Variants in SNAP29 observed in about 807,000 individuals in gnomAD.
The protein encoded by SNAP29 is synaptosome associated protein 29.
In SNAP29, 13 loss-of-function variants were observed where a neutral mutation model predicts 27.9. That is an observed-to-expected ratio of 0.47 (90% CI 0.30 to 0.74). The LOEUF (loss-of-function observed/expected upper bound fraction) is 0.74, where lower values mean the gene tolerates loss of function less well. SNAP29 is among the 30% of genes least tolerant of loss of function. SNAP29 has a pLI of 0.06. For missense variants in SNAP29, 368 were observed against 336.5 expected, an observed-to-expected ratio of 1.09 and a Z score of -0.73; for synonymous variants, 119 against 127.1, an observed-to-expected ratio of 0.94 and a Z score of 0.43.
intron 2 of SNAP29, chr22:20,870,886 C>T (rs1225421803): frequency 2.9e-5 from 10 of 341,006 alleles, no homozygotes; most frequent in South Asian, 1.7e-4. Flanking sequence ...CCTGTAATCC[C>T]GACACTTCAG....
chr22:20,880,492 C>T (rs1928864014), intron 2 of SNAP29, among the ~76,000 whole-genome samples: 1 of 145,888 alleles, frequency 6.9e-6, no homozygotes, highest in Non-Finnish European at 1.5e-5. Flanking sequence ...GGTGACAAAG[C>T]AAGACTCCAT....
At chr22:20,873,964 C>CAAAAAAAAAAAA (rs362036) in intron 2 of SNAP29, among the ~76,000 whole-genome samples, 1 of 25,970 alleles carries the variant, frequency 3.9e-5, no homozygotes, top group Non-Finnish European at 6.3e-5. Flanking sequence ...GACTCTGTCT[C>CAAAAAAAAAAAA]AAAAAAAAAA....
At chr22:20,878,864 G>A (rs905720148) in intron 2 of SNAP29, among the ~76,000 whole-genome samples, 1 of 152,178 alleles carries the variant, frequency 6.6e-6, no homozygotes, top group African/African-American at 2.4e-5. Flanking sequence ...ATCAGGCATA[G>A]TCTAAATGAC....
chr22:20,873,051 A>T (rs1020631025), intron 2 of SNAP29, among the ~76,000 whole-genome samples: 7 of 150,582 alleles, frequency 4.6e-5, no homozygotes, highest in Non-Finnish European at 8.9e-5. Flanking sequence ...GATAGTCTCG[A>T]ACTCTTGATC....
At chr22:20,876,140 G>T (rs1480335342) in intron 2 of SNAP29, among the ~76,000 whole-genome samples, 1 of 148,978 alleles carries the variant, frequency 6.7e-6, no homozygotes, top group Non-Finnish European at 1.5e-5. Flanking sequence ...CAGCCTGGGC[G>T]ACAGAGACTC....
At chr22:20,879,179 C>T (rs906955932) in intron 2 of SNAP29, among the ~76,000 whole-genome samples, 10 of 151,914 alleles carry the variant, frequency 6.6e-5, no homozygotes, top group African/African-American at 1.7e-4. Flanking sequence ...TGGTAGTGGG[C>T]GCCTGTAGTC....
intron 2 of SNAP29, among the ~76,000 whole-genome samples, chr22:20,879,556 T>A (rs1928838854): frequency 6.8e-6 from 1 of 146,320 alleles, no homozygotes; most frequent in Non-Finnish European, 1.5e-5. Flanking sequence ...AAAAACAATT[T>A]AAGAATTGGC....
chr22:20,859,722 C>G (rs1252951246), intron 1 of SNAP29: 14 of 297,408 alleles, frequency 4.7e-5, no homozygotes, highest in Non-Finnish European at 8.3e-5. Context: ...TGTGCAAAAT[C>G]TGGCACAGGG....
chr22:20,870,749 TC>T, intron 2 of SNAP29: 1 of 622,134 alleles, frequency 1.6e-6, no homozygotes. Flanking sequence ...CAATAGCTTC[TC>T]CAATAATTGT....
intron 1 of SNAP29, among the ~76,000 whole-genome samples, chr22:20,869,069 G>A (rs1928525668): frequency 6.6e-6 from 1 of 152,190 alleles, no homozygotes; most frequent in Admixed American, 6.5e-5. Flanking sequence ...GACCAGCCGG[G>A]CCAACATGGT....
intron 2 of SNAP29, among the ~76,000 whole-genome samples, chr22:20,874,369 A>C (rs1483411716): frequency 7.7e-6 from 1 of 129,600 alleles, no homozygotes; most frequent in Non-Finnish European, 1.7e-5. Flanking sequence ...ACACACACAC[A>C]CACACACACA....
intron 2 of SNAP29, chr22:20,870,921 A>C (rs553311941): frequency 1.8e-4 from 57 of 321,124 alleles, no homozygotes; most frequent in African/African-American, 1.2e-3. Context: ...TAGATTGCTT[A>C]AGCCCAGGAG....
intron 2 of SNAP29, among the ~76,000 whole-genome samples, chr22:20,878,861 A>C (rs950200211): frequency 3.3e-5 from 5 of 152,220 alleles, no homozygotes; most frequent in African/African-American, 1.2e-4. Flanking sequence ...GGCATCAGGC[A>C]TAGTCTAAAT....
intron 2 of SNAP29, among the ~76,000 whole-genome samples, chr22:20,873,313 AGAGCC>A (rs1484914416): frequency 6.6e-6 from 1 of 152,014 alleles, no homozygotes; most frequent in African/African-American, 2.4e-5. Context: ...ACCTAACTGC[AGAGCC>A]GTTTTTTTTA....
intron 1 of SNAP29, among the ~76,000 whole-genome samples, chr22:20,861,912 C>A (rs188547945): frequency 6.6e-6 from 1 of 152,088 alleles, no homozygotes; most frequent in African/African-American, 2.4e-5. Flanking sequence ...GGATTACAGG[C>A]GTGAGCGACC....
chr22:20,885,356 T>C (rs1046400282), intron 4 of SNAP29, among the ~76,000 whole-genome samples: 11 of 152,068 alleles, frequency 7.2e-5, no homozygotes, highest in Non-Finnish European at 1.5e-4. Context: ...AAGATGCACA[T>C]GGAGTGTCTG....
chr22:20,877,373 A>G (rs1269628523), intron 2 of SNAP29, among the ~76,000 whole-genome samples: 1 of 152,190 alleles, frequency 6.6e-6, no homozygotes, highest in Non-Finnish European at 1.5e-5. Flanking sequence ...CCTCACCAAC[A>G]TGGAGAAACC....
In SNAP29 at chr22:20,891,132, T is replaced by C. The variant is rs560856661; in HGVS notation, c.*3296T>C. The C allele has an allele frequency of 1.5e-4, 23 of 152,236 alleles. No individual in the cohort carries two copies. The highest frequency in any genetic ancestry group is 5.1e-4 in the African/African-American group (21 of 41,544). 9.4% of individuals were successfully genotyped at this position (152,236 alleles called of 1,614,324 possible). A position where few individuals can be genotyped will look rare whatever the true frequency, so the allele number is the denominator to read the frequency against. ...GTAACTTAGAAGTGGAGTTGCCTTG[T>C]GGATGTCTTTTTTGCATTCTGTAGG... On this transcript the variant is annotated 3_prime_UTR_variant, in exon 5 of 5. Transcript: ENST00000215730.
chr22:20,860,376 T>C (rs1928253258), intron 1 of SNAP29, among the ~76,000 whole-genome samples: 1 of 149,448 alleles, frequency 6.7e-6, no homozygotes, highest in Admixed American at 6.6e-5. Context: ...TTTTTCTTTT[T>C]TTTTTTTTTT....
Sources: gnomAD v4.1 joint callset for allele counts (sites outside exome capture counted in the v4.1 genomes callset) on GRCh38, gnomAD v4.1.1 for gene constraint, MANE v1.5 for transcripts, NCBI Gene and HGNC (gene_info 2026-07-23, HGNC 2026-07-21) for gene names.